Variants in WWOX observed in about 807,000 individuals in gnomAD.
The protein encoded by WWOX is WW domain-containing oxidoreductase.
WWOX carries 69 observed loss-of-function variants against 46.2 expected under a neutral mutation model. The ratio of observed to expected loss-of-function variants is 1.49; its 90% CI spans 1.23 to 1.82. The LOEUF (loss-of-function observed/expected upper bound fraction) is 1.82, where lower values mean the gene tolerates loss of function less well. Ranked by LOEUF, WWOX falls within the 40% of genes most tolerant of loss-of-function variation. The probability of loss-of-function intolerance (pLI) is 0.00; values close to 1 mark genes in which losing one functional copy is unlikely to be tolerated. For synonymous variants in WWOX, 359 were observed against 202.6 expected (o/e 1.77, Z -6.56); for missense variants, 919 against 542.6 (o/e 1.69, Z -6.89).
intron 8 of WWOX, among the ~76,000 whole-genome samples, chr16:79,063,845 T>C (rs1240975377): frequency 1.3e-5 from 2 of 152,232 alleles, no homozygotes; most frequent in African/African-American, 2.4e-5. Flanking sequence ...CAGATGATGA[T>C]AGCTGTTGCT....
intron 1 of WWOX, among the ~76,000 whole-genome samples, chr16:78,103,532 G>T (rs1254092718): frequency 6.6e-6 from 1 of 151,936 alleles, no homozygotes; most frequent in South Asian, 2.1e-4. Flanking sequence ...AAATTCTTTG[G>T]GTGTTAGCTT....
chr16:79,050,981 C>T (rs1394850527), intron 8 of WWOX, among the ~76,000 whole-genome samples: 2 of 152,228 alleles, frequency 1.3e-5, no homozygotes, highest in South Asian at 2.1e-4. Context: ...TCCTTGTGAA[C>T]ACAAGACACT....
chr16:78,325,882 A>G (rs1428920377), intron 5 of WWOX, among the ~76,000 whole-genome samples: 1 of 152,252 alleles, frequency 6.6e-6, no homozygotes, highest in African/African-American at 2.4e-5. Flanking sequence ...TGATGATTTT[A>G]AGAGTTAATC....
At chr16:78,691,979 T>G (rs2047999988) in intron 8 of WWOX, among the ~76,000 whole-genome samples, 1 of 152,188 alleles carries the variant, frequency 6.6e-6, no homozygotes, top group Admixed American at 6.5e-5. Context: ...ATCAGGAGTT[T>G]CCGCTTTTGC....
At chr16:78,678,014 C>A (rs574547462) in intron 8 of WWOX, among the ~76,000 whole-genome samples, 3 of 152,196 alleles carry the variant, frequency 2.0e-5, no homozygotes, top group African/African-American at 7.2e-5. Flanking sequence ...TCTGCCGTCC[C>A]TGAATCTCTA....
chr16:78,558,235 A>C (rs1414208849), intron 8 of WWOX, among the ~76,000 whole-genome samples: 2 of 152,222 alleles, frequency 1.3e-5, no homozygotes, highest in African/African-American at 2.4e-5. Context: ...GGTAAGAAGT[A>C]AGAAAATTTC....
chr16:78,513,427 T>C (rs1367981919), intron 8 of WWOX, among the ~76,000 whole-genome samples: 1 of 152,178 alleles, frequency 6.6e-6, no homozygotes, highest in Non-Finnish European at 1.5e-5. Context: ...AGGCTAGGAA[T>C]CACTGGAAAA....
rs192880284 is a variant in WWOX at position 78,453,192 on chromosome 16, G to A, written c.1056+20440G>A. 3.1e-4 allele frequency among the ~76,000 whole-genome samples: 47 copies of A among 152,238 alleles called. No individual in the cohort carries two copies. In the East Asian group the frequency reaches 7.7e-3, roughly 25 times the overall value. On this transcript the variant is annotated intron_variant, in intron 8 of 8. Coordinates refer to ENST00000566780, the MANE Select transcript of WWOX (RefSeq NM_016373.4). ...TAATCCTAGCACTTTGGGAGGCTGA[G>A]GTGGGAGGATTACCTAAGGTCAGGA...
intron 6 of WWOX, among the ~76,000 whole-genome samples, chr16:78,403,876 CCT>C (rs2082468344): frequency 6.6e-6 from 1 of 152,182 alleles, no homozygotes; most frequent in Non-Finnish European, 1.5e-5. Flanking sequence ...GCTGCATGGA[CCT>C]TCACTTACTT....
intron 8 of WWOX, among the ~76,000 whole-genome samples, chr16:79,067,766 G>A (rs957557112): frequency 6.6e-6 from 1 of 152,184 alleles, no homozygotes; most frequent in Non-Finnish European, 1.5e-5. Context: ...CAAATGCACA[G>A]AAGTGGGTAT....
chr16:78,720,392 G>T (rs1156586414), intron 8 of WWOX, among the ~76,000 whole-genome samples: 2 of 146,872 alleles, frequency 1.4e-5, no homozygotes, highest in Non-Finnish European at 2.9e-5. Flanking sequence ...CCAATGGTCA[G>T]ATCTGTTAAC....
intron 8 of WWOX, among the ~76,000 whole-genome samples, chr16:79,090,280 C>T (rs3221607): frequency 4.2e-4 from 58 of 138,286 alleles, no homozygotes; most frequent in Middle Eastern, 7.2e-3. Context: ...CTACTGTGTG[C>T]GTGTGTGTGT....
At chr16:78,996,558 G>A (rs552179780) in intron 8 of WWOX, among the ~76,000 whole-genome samples, 2 of 152,186 alleles carry the variant, frequency 1.3e-5, no homozygotes, top group South Asian at 2.1e-4. Flanking sequence ...TAATGTGGGA[G>A]AGAAGAGAAA....
intron 8 of WWOX, among the ~76,000 whole-genome samples, chr16:79,165,611 C>T (rs2050578316): frequency 6.6e-6 from 1 of 152,256 alleles, no homozygotes; most frequent in Non-Finnish European, 1.5e-5. Flanking sequence ...GCAGTGAAAG[C>T]GTGCTTCTCA....
chr16:78,691,881 C>T (rs932518173), intron 8 of WWOX, among the ~76,000 whole-genome samples: 8 of 152,068 alleles, frequency 5.3e-5, no homozygotes, highest in African/African-American at 1.9e-4. Context: ...TGGGAGGGAC[C>T]CAGGGGGAGG....
chr16:78,495,470 C>T (rs1423752577), intron 8 of WWOX, among the ~76,000 whole-genome samples: 3 of 128,386 alleles, frequency 2.3e-5, no homozygotes, highest in Admixed American at 8.4e-5. Context: ...GGTTTTTTTT[C>T]TCAAGGTGTA....
At chr16:78,639,689 G>C (rs1045738997) in intron 8 of WWOX, among the ~76,000 whole-genome samples, 3 of 152,020 alleles carry the variant, frequency 2.0e-5, no homozygotes. Flanking sequence ...TCAGCCTCTG[G>C]AGTAGCTGGG....
chr16:78,331,727 C>T (rs188940149), intron 5 of WWOX, among the ~76,000 whole-genome samples: 8 of 152,180 alleles, frequency 5.3e-5, no homozygotes, highest in African/African-American at 1.4e-4. Flanking sequence ...TTAAATGCCT[C>T]TAGCTGTGTA....
intron 8 of WWOX, among the ~76,000 whole-genome samples, chr16:78,850,589 C>A (rs570580246): frequency 1.3e-5 from 2 of 152,092 alleles, no homozygotes; most frequent in Admixed American, 1.3e-4. Context: ...GTTTACGATT[C>A]CTTGGAGTTC....
Sources: allele counts gnomAD v4.1 joint callset (sites outside exome capture counted in the v4.1 genomes callset), GRCh38; gene constraint gnomAD v4.1.1; transcripts MANE v1.5; gene names NCBI Gene and HGNC (gene_info 2026-07-23, HGNC 2026-07-21).